Variants in ZNF407 observed in about 807,000 individuals in gnomAD.
ZNF407 encodes zinc finger protein 407.
Under a neutral mutation model 131.2 loss-of-function variants are expected in ZNF407, and 17 were observed. The ratio of observed to expected loss-of-function variants is 0.13; its 90% CI spans 0.09 to 0.19. ZNF407 has a LOEUF of 0.19. ZNF407 is among the 10% of genes least tolerant of loss of function. ZNF407 has a pLI of 1.00. For synonymous variants in ZNF407, 1,156 were observed against 1,062.0 expected (o/e 1.09, Z -1.72); for missense variants, 2,681 against 2,830.6 (o/e 0.95, Z 1.20).
At chr18:74,938,295 T>C (rs1348392842) in intron 8 of ZNF407, among the ~76,000 whole-genome samples, 2 of 152,228 alleles carry the variant, frequency 1.3e-5, no homozygotes, top group Admixed American at 6.5e-5. Flanking sequence ...AGGGCCGTTA[T>C]AGTAACCAAA....
chr18:75,042,197 G>A (rs1973382052), intron 8 of ZNF407, among the ~76,000 whole-genome samples: 1 of 151,900 alleles, frequency 6.6e-6, no homozygotes, highest in East Asian at 1.9e-4. Flanking sequence ...CACCACACCT[G>A]GCCAGCCTTC....
At chr18:75,002,577 T>C (rs562105140) in intron 8 of ZNF407, among the ~76,000 whole-genome samples, 87 of 151,858 alleles carry the variant, frequency 5.7e-4, no homozygotes, top group South Asian at 3.1e-3. Flanking sequence ...ACAAGGCGGG[T>C]GGATCACGAG....
intron 8 of ZNF407, among the ~76,000 whole-genome samples, chr18:74,963,737 A>T (rs896895065): frequency 2.0e-5 from 3 of 152,200 alleles, no homozygotes; most frequent in Non-Finnish European, 2.9e-5. Context: ...ACTTTTTAAA[A>T]TTTCAGATGG....
chr18:74,630,358 C>T (rs772440744), intron 1 of ZNF407, among the ~76,000 whole-genome samples: 5 of 151,760 alleles, frequency 3.3e-5, no homozygotes, highest in East Asian at 1.9e-4. Context: ...TTTTTAGTAG[C>T]GACAGGGTTT....
intron 4 of ZNF407, among the ~76,000 whole-genome samples, chr18:74,826,413 C>G (rs1480727910): frequency 6.6e-6 from 1 of 152,160 alleles, no homozygotes; most frequent in African/African-American, 2.4e-5. Context: ...AGGTTGATCT[C>G]TTAGGCAGTT....
chr18:74,807,283 G>A (rs1970124218), intron 4 of ZNF407, among the ~76,000 whole-genome samples: 1 of 152,212 alleles, frequency 6.6e-6, no homozygotes, highest in South Asian at 2.1e-4. Flanking sequence ...ACTGAATTAG[G>A]AACTGAAAGT....
intron 8 of ZNF407, among the ~76,000 whole-genome samples, chr18:75,058,190 TGGCTTCAAGCACGCAGAA>T (rs1006199219): frequency 1.3e-5 from 2 of 152,158 alleles, no homozygotes; most frequent in Non-Finnish European, 2.9e-5. Flanking sequence ...CTGGAGATGT[TGGCTTCAAGCACGCAGAA>T]GGAGCTGCAG....
chr18:74,983,855 A>G (rs1972621807), intron 8 of ZNF407, among the ~76,000 whole-genome samples: 1 of 152,206 alleles, frequency 6.6e-6, no homozygotes, highest in Admixed American at 6.5e-5. Context: ...TCCTGGTGGC[A>G]TTGCTGTTAG....
intron 6 of ZNF407, among the ~76,000 whole-genome samples, chr18:74,887,803 G>A (rs1971330768): frequency 6.6e-6 from 1 of 152,054 alleles, no homozygotes; most frequent in South Asian, 2.1e-4. Context: ...TCTTGATCTT[G>A]TTCAAAGGGT....
At chr18:74,875,644 T>G (rs1474538117) in intron 4 of ZNF407, among the ~76,000 whole-genome samples, 2 of 152,196 alleles carry the variant, frequency 1.3e-5, no homozygotes, top group Admixed American at 6.5e-5. Flanking sequence ...GTCAAAGAGA[T>G]ATACGGACGT....
intron 5 of ZNF407, among the ~76,000 whole-genome samples, chr18:74,878,307 T>G (rs910581321): frequency 6.6e-6 from 1 of 152,202 alleles, no homozygotes; most frequent in African/African-American, 2.4e-5. Flanking sequence ...ATAATACATT[T>G]TAATCAGCAT....
intron 8 of ZNF407, among the ~76,000 whole-genome samples, chr18:74,939,619 A>G (rs1452411644): frequency 1.3e-5 from 2 of 152,220 alleles, no homozygotes; most frequent in African/African-American, 4.8e-5. Context: ...CTTTTTATCA[A>G]TCGACAGAAA....
intron 4 of ZNF407, among the ~76,000 whole-genome samples, chr18:74,803,598 T>C (rs1825216806): frequency 6.6e-6 from 1 of 152,230 alleles, no homozygotes; most frequent in Non-Finnish European, 1.5e-5. Context: ...ATGCATTATG[T>C]TATTTCTCTG....
At chr18:74,734,079 G>C (rs1001017518) in intron 3 of ZNF407, among the ~76,000 whole-genome samples, 17 of 152,114 alleles carry the variant, frequency 1.1e-4, no homozygotes, top group Admixed American at 1.1e-3. Context: ...AGAGTGAAAA[G>C]AACGATCTTC....
chr18:74,773,715 G>A (rs1015096360), intron 3 of ZNF407, among the ~76,000 whole-genome samples: 8 of 152,190 alleles, frequency 5.3e-5, no homozygotes, highest in Admixed American at 4.6e-4. Context: ...AAGATATACT[G>A]ATTGTTGCAG....
At position 74,634,539 on chromosome 18, in the gene ZNF407, A is replaced by G; in HGVS notation, c.3520A>G (p.Lys1174Glu). ...TGAGACTTTCCAACAGGCTCCTGTCAAGGATAAAGTTAGGAAACCTGAGGA... is the reference window on the plus strand; with the variant it reads ...TGAGACTTTCCAACAGGCTCCTGTCGAGGATAAAGTTAGGAAACCTGAGGA... Reference protein sequence around the residue: ...FCETFQQAPVKDKVRKPEEMM... With the variant: ...FCETFQQAPVEDKVRKPEEMM... The change falls in exon 2 of 9, where the codon AAG becomes GAG. Residue 1174 changes from lysine (K) to glutamate (E), a missense_variant. Lys to Glu is a moderately conservative substitution (Grantham distance 56). Around this residue, in one of 6 missense-constraint regions of ZNF407, gnomAD observed 1,789 missense variants for 1,748.7 expected, o/e 1.02. Coordinates refer to ENST00000299687, the MANE Select transcript of ZNF407 (RefSeq NM_017757.3). The G allele has an allele frequency of 6.2e-7, 1 of 1,613,834 alleles. No individual in the cohort carries two copies. Among genetic ancestry groups the G allele is most frequent in the Non-Finnish European group, 8.5e-7 (1 of 1,179,878 alleles).
At chr18:74,927,655 A>G (rs1425062937) in intron 8 of ZNF407, among the ~76,000 whole-genome samples, 1 of 152,244 alleles carries the variant, frequency 6.6e-6, no homozygotes, top group Non-Finnish European at 1.5e-5. Flanking sequence ...TGAGGTTCAA[A>G]TTAGATAATC....
chr18:75,043,592 G>A (rs1358578938), intron 8 of ZNF407, among the ~76,000 whole-genome samples: 2 of 152,158 alleles, frequency 1.3e-5, no homozygotes, highest in African/African-American at 4.8e-5. Flanking sequence ...TTGTGGATGT[G>A]CTCCCATTTC....
chr18:75,012,723 A>T lies in ZNF407; in HGVS notation c.5429-50427A>T, dbSNP rs12955353. Among the ~76,000 whole-genome samples, 12 of 151,172 alleles carry T rather than the reference A, an allele frequency of 7.9e-5. No homozygotes were observed. In the East Asian group the frequency reaches 1.6e-3, roughly 20 times the overall value. On this transcript the variant is annotated intron_variant, in intron 8 of 8. Coordinates refer to ENST00000299687, the MANE Select transcript of ZNF407 (RefSeq NM_017757.3). ...CCAACTTTGTTGTAAATTTGCTATT[A>T]GGCAATTCCATTTTTTGTAGAAATG...
Sources: gnomAD v4.1 joint callset for allele counts (sites outside exome capture counted in the v4.1 genomes callset) on GRCh38, gnomAD v4.1.1 for gene constraint, gnomAD v4.1.1 regional missense constraint, MANE v1.5 for transcripts, NCBI Gene and HGNC (gene_info 2026-07-23, HGNC 2026-07-21) for gene names.